The following LIPA variants were observed in gnomAD, a reference collection of about 807,000 sequenced individuals.
LIPA encodes the protein lysosomal acid lipase/cholesteryl ester hydrolase.
Under a neutral mutation model 40.6 loss-of-function variants are expected in LIPA, and 26 were observed. That is an observed-to-expected ratio of 0.64 (90% CI 0.47 to 0.89). The LOEUF is 0.89. Ranked by LOEUF, LIPA falls within the 40% of genes least tolerant of loss-of-function variation. The pLI is 0.00. For synonymous variants in LIPA, 188 were observed against 168.4 expected (o/e 1.12, Z -0.90); for missense variants, 455 against 479.6 (o/e 0.95, Z 0.48).
chr10:89,339,990 G>A (rs1843834280), intron 1 of LIPA: 1 of 1,614,120 alleles, frequency 6.2e-7, no homozygotes, highest in Non-Finnish European at 8.5e-7. Flanking sequence ...TGGGCCGCCT[G>A]CTAAGGGATG....
At chr10:89,225,041 C>G (rs755603946) in intron 6 of LIPA, 51 bp downstream of exon 6, 1 of 1,599,454 alleles carries the variant, frequency 6.3e-7, no homozygotes, top group Non-Finnish European at 8.6e-7. Context: ...TTCTTCAGAT[C>G]TCAGGAGGAA....
At chr10:89,262,561 G>A (rs150971050) in intron 1 of LIPA, among the ~76,000 whole-genome samples, 1 of 152,326 alleles carries the variant, frequency 6.6e-6, no homozygotes, top group African/African-American at 2.4e-5. Context: ...TCATTCTGCA[G>A]ATATCATCAG....
At chr10:89,350,507 A>G (rs546808417) in intron 2 of LIPA, among the ~76,000 whole-genome samples, 60 of 152,100 alleles carry the variant, frequency 3.9e-4, no homozygotes, top group African/African-American at 6.5e-4. Context: ...GGGTTTCACC[A>G]TGTTGCCCAG....
intron 1 of LIPA, among the ~76,000 whole-genome samples, chr10:89,264,107 G>A (rs888971933): frequency 2.0e-5 from 3 of 152,218 alleles, no homozygotes; most frequent in Admixed American, 6.5e-5. Context: ...AAGGGCCTCT[G>A]CTCTTCTCTG....
intron 2 of LIPA, among the ~76,000 whole-genome samples, chr10:89,366,454 G>C (rs1237912907): frequency 1.3e-5 from 2 of 152,016 alleles, no homozygotes; most frequent in Non-Finnish European, 2.9e-5. Flanking sequence ...TCTCCTGCCT[G>C]ATTGCCCTGG....
intron 2 of LIPA, chr10:89,384,438 G>C (rs571133224): frequency 2.5e-6 from 4 of 1,614,200 alleles, no homozygotes; most frequent in Non-Finnish European, 3.4e-6. Context: ...TTGAAGATCA[G>C]CTAAAGCAAG....
intron 2 of LIPA, among the ~76,000 whole-genome samples, chr10:89,386,590 G>T (rs1404178071): frequency 6.6e-6 from 1 of 152,090 alleles, no homozygotes; most frequent in Non-Finnish European, 1.5e-5. Context: ...GACATCTGAG[G>T]ACATATCTCT....
chr10:89,304,753 G>A (rs953216667), intron 1 of LIPA, among the ~76,000 whole-genome samples: 1 of 151,960 alleles, frequency 6.6e-6, no homozygotes, highest in Non-Finnish European at 1.5e-5. Context: ...GGTTTTTTAG[G>A]GGTTTTTTTG....
chr10:89,353,890 G>A (rs771278830), intron 2 of LIPA, among the ~76,000 whole-genome samples: 7 of 151,800 alleles, frequency 4.6e-5, no homozygotes, highest in African/African-American at 7.3e-5. Context: ...GCAGTGAGCC[G>A]AGATCACGCC....
chr10:89,310,580 A>G (rs554965447), intron 1 of LIPA, among the ~76,000 whole-genome samples: 8 of 152,058 alleles, frequency 5.3e-5, no homozygotes, highest in Non-Finnish European at 8.8e-5. Context: ...CTCATTGCTG[A>G]TTATCTACAC....
intron 2 of LIPA, among the ~76,000 whole-genome samples, chr10:89,375,540 AC>A (rs1429280960): frequency 1.3e-5 from 2 of 151,620 alleles, no homozygotes. Context: ...TCTGTGCAGA[AC>A]CCCCTCCATC....
At chr10:89,306,737 G>C in intron 1 of LIPA, 1 of 1,614,132 alleles carries the variant, frequency 6.2e-7, no homozygotes, top group Non-Finnish European at 8.5e-7. Context: ...TCGAAGAAAA[G>C]ATGAGCCAGA....
intron 3 of LIPA, among the ~76,000 whole-genome samples, chr10:89,236,775 A>C (rs949924200): frequency 6.6e-6 from 1 of 152,206 alleles, no homozygotes; most frequent in African/African-American, 2.4e-5. Flanking sequence ...TGCAGCTTTT[A>C]TGTGGGTGCA....
At chr10:89,278,084 C>T (rs1843297747) in intron 1 of LIPA, 1 of 152,156 alleles carries the variant, frequency 6.6e-6, no homozygotes, top group South Asian at 2.1e-4. Flanking sequence ...TGGTGTAAAT[C>T]AGGCTCAGGA....
chr10:89,307,443 A>G, intron 1 of LIPA: 1 of 1,275,634 alleles, frequency 7.8e-7, no homozygotes, highest in South Asian at 1.4e-5. Context: ...CCAAGTTGGT[A>G]TTCAAAATAT....
chr10:89,371,159 A>G (rs1212124094), intron 2 of LIPA, among the ~76,000 whole-genome samples: 2 of 152,268 alleles, frequency 1.3e-5, no homozygotes, highest in South Asian at 4.1e-4. Context: ...CCAAAAGGAG[A>G]TATCACAGAA....
At chr10:89,384,612 T>G (rs749797147) in intron 2 of LIPA, 9 of 1,614,208 alleles carry the variant, frequency 5.6e-6, no homozygotes, top group Non-Finnish European at 6.8e-6. Flanking sequence ...TTCACCAGAA[T>G]GTACGGGTTG....
chr10:89,332,310 A>C (rs1408408767), intron 1 of LIPA, among the ~76,000 whole-genome samples: 2 of 152,236 alleles, frequency 1.3e-5, no homozygotes, highest in African/African-American at 4.8e-5. Context: ...GACATAACAC[A>C]TTTGGAAGCT....
intron 8 of LIPA, among the ~76,000 whole-genome samples, chr10:89,220,392 C>T (rs1842682930): frequency 1.3e-5 from 2 of 152,114 alleles, no homozygotes; most frequent in Non-Finnish European, 2.9e-5. Context: ...AGGTCCTAGG[C>T]ATCCTCAAAA....
Sources: gnomAD v4.1 joint callset for allele counts (sites outside exome capture counted in the v4.1 genomes callset) on GRCh38, gnomAD v4.1.1 for gene constraint, MANE v1.5 for transcripts, NCBI Gene and HGNC (gene_info 2026-07-23, HGNC 2026-07-21) for gene names.